The following SGSH variants were observed in gnomAD, a reference collection of about 807,000 sequenced individuals.
The protein encoded by SGSH is heparan sulfate sulfatase.
SGSH carries 48 observed loss-of-function variants against 51.0 expected under a neutral mutation model. The observed-to-expected ratio is 0.94, with a 90% CI of 0.75 to 1.20. SGSH has a LOEUF of 1.20. Among genes scored for constraint, SGSH ranks in the 50% most tolerant of loss-of-function variants. The pLI, the probability that SGSH is intolerant of heterozygous loss-of-function variation, is 0.00. For synonymous variants in SGSH, 321 were observed against 313.4 expected, an observed-to-expected ratio of 1.02 and a Z score of -0.26; for missense variants, 662 against 717.8, an observed-to-expected ratio of 0.92 and a Z score of 0.89.
downstream of SGSH, chr17:80,202,283 G>A: frequency 6.2e-7 from 1 of 1,613,894 alleles, no homozygotes; most frequent in Middle Eastern, 1.6e-4. Flanking sequence ...CCAAAGGGGA[G>A]CTGCAGGTGC....
downstream of SGSH, chr17:80,203,405 C>G (rs1332474389): frequency 5.5e-6 from 1 of 180,864 alleles, no homozygotes; most frequent in Non-Finnish European, 1.1e-5. The surrounding 1 kb of genome is among the most constrained non-coding windows in gnomAD (Gnocchi z 4.6). Context: ...ATTGCAAACT[C>G]AAGTCCCCTG....
rs1182502376 is a variant in SGSH at position 80,210,780 on chromosome 17, A to G, written c.1181T>C (p.Met394Thr). Reference protein sequence around the residue: ...FRLVHNLNFKMPFPIDQDFYV... With the variant: ...FRLVHNLNFKTPFPIDQDFYV... ...GAAGTCCTGGTCGATGGGAAAGGGC[A>G]TCTTGAAGTTGAGGTTGTGCACGAG... The change falls in exon 8 of 8, where the codon ATG (methionine) becomes ACG (threonine). Residue 394 changes from methionine (M) to threonine (T), a missense_variant. By Grantham distance (81) the Met-to-Thr change is moderately conservative. Coordinates refer to ENST00000326317, the MANE Select transcript of SGSH (RefSeq NM_000199.5). 1 of 1,614,034 alleles carries G rather than the reference A, an allele frequency of 6.2e-7. No individual in the cohort carries two copies. Among genetic ancestry groups the G allele is most frequent in the East Asian group, 2.2e-5 (1 of 44,882 alleles).
At position 80,212,463 on chromosome 17, in the gene SGSH, C is replaced by T; in HGVS notation, c.746-189G>A. The T allele has an allele frequency of 1.5e-6, 1 of 651,280 alleles. No individual in the cohort carries two copies. Among genetic ancestry groups the T allele is most frequent in the South Asian group, 1.7e-5 (1 of 58,628 alleles). The allele number at this position is 651,280 out of a possible 1,614,324, so 40.3% of individuals were successfully genotyped here. On this transcript the variant is annotated intron_variant, in intron 6 of 7. Coordinates refer to ENST00000326317, the MANE Select transcript of SGSH (RefSeq NM_000199.5). This position sits in a 1 kb window ranked among gnomAD's most constrained non-coding sequence, Gnocchi z 5.9. ...GCTCTTGCCCAGCTCCGCCCAGCTC[C>T]CATTCCCTGAGCAGGCCTCGAATGG...
In SGSH at chr17:80,210,136, C is replaced by T. The variant is rs112147015; in HGVS notation, c.*316G>A. 649 of 1,264,950 alleles carry T rather than the reference C, an allele frequency of 5.1e-4. 4 individuals are homozygous for T. In the African/African-American group the frequency reaches 8.5e-3, roughly 16 times the overall value. The allele number at this position is 1,264,950 out of a possible 1,614,324, so 78.4% of individuals were successfully genotyped here. A position where few individuals can be genotyped will look rare whatever the true frequency, so the allele number is the denominator to read the frequency against. ...AGACTCCCTTGTCATGGGCTGGGGG[C>T]GCTGCCCTGTCCGCAGACCACGTAT... On this transcript the variant is annotated 3_prime_UTR_variant, in exon 8 of 8. Transcript: ENST00000326317.
chr17:80,218,931 A>T (rs968757788), intron 1 of SGSH, among the ~76,000 whole-genome samples: 1 of 152,114 alleles, frequency 6.6e-6, no homozygotes, highest in Non-Finnish European at 1.5e-5. Flanking sequence ...AGGCCAAGGC[A>T]GGAAGATTGC....
Position 80,210,144 on chromosome 17 carries a change from T to G in SGSH, c.*308A>C. Reference sequence around the variant, plus strand: ...TTGTCATGGGCTGGGGGCGCTGCCCTGTCCGCAGACCACGTATGTCTAGAA... The same window carrying G: ...TTGTCATGGGCTGGGGGCGCTGCCCGGTCCGCAGACCACGTATGTCTAGAA... On this transcript the variant is annotated 3_prime_UTR_variant, in exon 8 of 8. Transcript: ENST00000326317. 1 of 1,290,810 alleles carries G rather than the reference T, an allele frequency of 7.7e-7. No homozygotes were observed. Among genetic ancestry groups the G allele is most frequent in the Non-Finnish European group, 9.9e-7 (1 of 1,012,286 alleles). 80.0% of individuals were successfully genotyped at this position (1,290,810 alleles called of 1,614,324 possible).
At position 80,213,885 on chromosome 17, in the gene SGSH, C is replaced by A; in HGVS notation, c.664G>T (p.Val222Leu). ...PQAYDPLDVL[V>L]PYFVPNTPAA... ...GGGGTGTTGGGGACGAAGTAAGGCA[C>A]CTGGGGCAGGCGGTGGGGAGCCAGG... The change falls in exon 6 of 8, where the codon GTG (valine) becomes TTG (leucine). Residue 222 changes from valine (V) to leucine (L), a missense_variant and splice_region_variant. Coordinates refer to ENST00000326317, the MANE Select transcript of SGSH (RefSeq NM_000199.5). The surrounding 1 kb of genome is among the most constrained non-coding windows in gnomAD (Gnocchi z 4.6). 6.2e-7 allele frequency: 1 copy of A among 1,606,394 alleles called. No individual in the cohort carries two copies. The highest frequency in any genetic ancestry group is 1.1e-5 in the South Asian group (1 of 90,148).
intron 5 of SGSH, 134 bp downstream of exon 5, chr17:80,214,038 G>T (rs2041785319): frequency 2.2e-6 from 3 of 1,363,142 alleles, no homozygotes; most frequent in Non-Finnish European, 2.0e-6. Flanking sequence ...TGGCCCCGAG[G>T]TTGGGAACCT....
At chr17:80,220,093 G>C (rs1384710936) in intron 1 of SGSH, 133 bp downstream of exon 1, 1 of 617,010 alleles carries the variant, frequency 1.6e-6, no homozygotes, top group Non-Finnish European at 2.7e-6. Flanking sequence ...AGAGGAGGAC[G>C]AGAGGGAATG....
At position 80,210,254 on chromosome 17, in the gene SGSH, G is replaced by T; in HGVS notation, c.*198C>A. 7.0e-7 allele frequency: 1 copy of T among 1,426,794 alleles called. No individual in the cohort carries two copies. The highest frequency in any genetic ancestry group is 9.1e-7 in the Non-Finnish European group (1 of 1,094,516). The allele number at this position is 1,426,794 out of a possible 1,614,324, so 88.4% of individuals were successfully genotyped here. A position where few individuals can be genotyped will look rare whatever the true frequency, so the allele number is the denominator to read the frequency against. On this transcript the variant is annotated 3_prime_UTR_variant, in exon 8 of 8. Coordinates refer to ENST00000326317, the MANE Select transcript of SGSH (RefSeq NM_000199.5). Reference sequence around the variant, plus strand: ...GTGCCCCTGGTGGTGGAGGGGCTGGGCACATGCTCTGGTCACATGCTCTGG... The same window carrying T: ...GTGCCCCTGGTGGTGGAGGGGCTGGTCACATGCTCTGGTCACATGCTCTGG...
At chr17:80,205,946 G>A (rs923651846), downstream of SGSH, 11 of 270,602 alleles carry the variant, frequency 4.1e-5, no homozygotes, top group Non-Finnish European at 6.2e-5. Context: ...CACTCTCCAC[G>A]TTTGAAGGCG....
intron 1 of SGSH, among the ~76,000 whole-genome samples, chr17:80,217,770 G>C (rs1435714820): frequency 6.6e-6 from 1 of 152,030 alleles, no homozygotes; most frequent in Non-Finnish European, 1.5e-5. Context: ...TATCCAGCAG[G>C]GATGATGCGT....
Position 80,212,056 on chromosome 17 carries a change from C to A in SGSH, c.949+15G>T. Reference sequence around the variant, plus strand: ...ACTCCCACACCTTTCCTGACGGAGACAGACAAAGGCATACCTAGGAGGCTC... The same window carrying A: ...ACTCCCACACCTTTCCTGACGGAGAAAGACAAAGGCATACCTAGGAGGCTC... On this transcript the variant is annotated intron_variant, in intron 7 of 7. Transcript: ENST00000326317. This position sits in a 1 kb window ranked among gnomAD's most constrained non-coding sequence, Gnocchi z 5.9. The A allele has an allele frequency of 6.2e-7, 1 of 1,611,020 alleles. No individual in the cohort carries two copies. The highest frequency in any genetic ancestry group is 8.5e-7 in the Non-Finnish European group (1 of 1,177,990).
intron 2 of SGSH, 163 bp downstream of exon 2, chr17:80,216,869 G>C: frequency 1.4e-6 from 1 of 691,868 alleles, no homozygotes. Flanking sequence ...GGAGCCCCTA[G>C]TCTGCACTCA....
intron 7 of SGSH, chr17:80,211,770 C>T: frequency 2.1e-6 from 1 of 469,544 alleles, no homozygotes; most frequent in South Asian, 2.1e-5. Flanking sequence ...TATTAACAAG[C>T]ATCCCAGGTG....
chr17:80,210,489 A>C lies in SGSH; in HGVS notation c.1472T>G (p.Leu491Arg), dbSNP rs529747766. 8 of 1,603,052 alleles carry C rather than the reference A, an allele frequency of 5.0e-6. No individual in the cohort carries two copies. The highest frequency in any genetic ancestry group is 4.0e-5 in the African/African-American group (3 of 74,958). ...CAPDGVLEEK[L>R]SPQCQPLHNE... ...GTGGAGGGGCTGGCACTGGGGAGAG[A>C]GCTTCTCCTCCAGGACGCCGTCGGG... Residue 491 changes from leucine (L) to arginine (R), a missense_variant, in exon 8 of 8, where the codon CTC becomes CGC. By Grantham distance (102) the Leu-to-Arg change is moderately radical (BLOSUM62 -2). Transcript: ENST00000326317.
downstream of SGSH, chr17:80,203,871 A>G: frequency 6.3e-7 from 1 of 1,596,632 alleles, no homozygotes; most frequent in Non-Finnish European, 8.5e-7. This position sits in a 1 kb window ranked among gnomAD's most constrained non-coding sequence, Gnocchi z 4.6. Context: ...TCAGCAGTGC[A>G]CCGTGACCCG....
chr17:80,201,685 C>T, the SGSH span: 9 of 1,605,074 alleles, frequency 5.6e-6, no homozygotes, highest in Non-Finnish European at 7.7e-6. The surrounding 1 kb of genome is among the most constrained non-coding windows in gnomAD (Gnocchi z 5.0). Context: ...CGCCTTCTGT[C>T]TTCTGGCTGG....
At chr17:80,214,427 C>T (rs1598748994) in intron 4 of SGSH, 99 bp from the exon 5 acceptor site, 1 of 1,417,936 alleles carries the variant, frequency 7.1e-7, no homozygotes, top group Non-Finnish European at 9.6e-7. Flanking sequence ...TGGAAGTCAA[C>T]CTGTGACCCT....
Sources: gnomAD v4.1 joint callset for allele counts (sites outside exome capture counted in the v4.1 genomes callset) on GRCh38, gnomAD v4.1.1 for gene constraint, Gnocchi (gnomAD v3.1) non-coding constraint, MANE v1.5 for transcripts, NCBI Gene and HGNC (gene_info 2026-07-23, HGNC 2026-07-21) for gene names.